CNTN5: variants seen among roughly 807,000 people sequenced by gnomAD.
CNTN5 encodes the protein contactin 5, also known as contactin-5.
In CNTN5, 77 loss-of-function variants were observed where a neutral mutation model predicts 129.1. The ratio of observed to expected loss-of-function variants is 0.60; its 90% CI spans 0.50 to 0.72. The LOEUF is 0.72. Ranked by LOEUF, CNTN5 falls within the 30% of genes least tolerant of loss-of-function variation. The pLI is 0.00. For missense variants in CNTN5, 1,478 were observed against 1,328.8 expected (o/e 1.11, Z -1.75); for synonymous variants, 509 against 465.6 (o/e 1.09, Z -1.20).
chr11:99,479,170 T>C (rs1285567295), intron 2 of CNTN5, among the ~76,000 whole-genome samples: 1 of 152,106 alleles, frequency 6.6e-6, no homozygotes, highest in East Asian at 1.9e-4. Context: ...CATTAATTCT[T>C]ATTTTTAAGA....
At chr11:99,523,760 C>T (rs984933747) in intron 2 of CNTN5, among the ~76,000 whole-genome samples, 2 of 152,072 alleles carry the variant, frequency 1.3e-5, no homozygotes, top group African/African-American at 4.8e-5. Flanking sequence ...TCGGTTCCCA[C>T]ACTCCCCAGC....
At position 99,985,015 on chromosome 11, in the gene CNTN5, G is replaced by A. The variant is rs530967557; in HGVS notation, c.878-17019G>A. 1.8e-4 allele frequency among the ~76,000 whole-genome samples: 27 copies of A among 152,272 alleles called. No homozygotes were observed. In the East Asian group the frequency reaches 5.2e-3, roughly 30 times the overall value. ...ATTTACTATCCTGCGGCAGTGCCCA[G>A]GTGAGGGTGCCTGCAACGGTGAAGC... On this transcript the variant is annotated intron_variant, in intron 8 of 24. Coordinates refer to ENST00000524871, the MANE Select transcript of CNTN5 (RefSeq NM_014361.4).
At chr11:100,087,695 C>T (rs1033296611) in intron 13 of CNTN5, among the ~76,000 whole-genome samples, 1 of 151,924 alleles carries the variant, frequency 6.6e-6, no homozygotes, top group African/African-American at 2.4e-5. Flanking sequence ...AACTCAACAT[C>T]CTACTTAGAG....
chr11:99,973,475 A>T (rs752452202), intron 8 of CNTN5, among the ~76,000 whole-genome samples: 2 of 152,004 alleles, frequency 1.3e-5, no homozygotes, highest in Non-Finnish European at 2.9e-5. Flanking sequence ...CTATTTTCCT[A>T]TGGTTTTCAG....
intron 2 of CNTN5, among the ~76,000 whole-genome samples, chr11:99,516,511 A>G (rs940576581): frequency 1.3e-5 from 2 of 152,132 alleles, no homozygotes; most frequent in Non-Finnish European, 2.9e-5. Flanking sequence ...AAAAATAACA[A>G]TGGTGCATAC....
chr11:99,650,431 T>A (rs186749860), intron 3 of CNTN5, among the ~76,000 whole-genome samples: 7 of 152,016 alleles, frequency 4.6e-5, no homozygotes, highest in Admixed American at 3.9e-4. Context: ...ATTATACTAA[T>A]CATCTCTGCT....
intron 3 of CNTN5, among the ~76,000 whole-genome samples, chr11:99,807,421 TGAA>T (rs1176007984): frequency 1.3e-5 from 2 of 152,192 alleles, no homozygotes; most frequent in African/African-American, 4.8e-5. Context: ...GGGATAGGGT[TGAA>T]GAAGTTTTAA....
chr11:100,023,707 C>A lies in CNTN5; in HGVS notation c.980+21571C>A, dbSNP rs140527364. Among the ~76,000 whole-genome samples, 339 of 152,314 alleles carry A rather than the reference C, an allele frequency of 2.2e-3. 1 individual carries two copies. The highest frequency in any genetic ancestry group is 7.9e-3 in the African/African-American group (328 of 41,588). On this transcript the variant is annotated intron_variant, in intron 9 of 24. Coordinates refer to ENST00000524871, the MANE Select transcript of CNTN5 (RefSeq NM_014361.4). ...CCTCTGGCAACCACTGATTTTTACA[C>A]TGTCTCCAGTTTTACCTCTTCCAGA...
At chr11:100,298,528 A>G (rs1306453141) in intron 19 of CNTN5, among the ~76,000 whole-genome samples, 1 of 151,298 alleles carries the variant, frequency 6.6e-6, no homozygotes, top group East Asian at 1.9e-4. Context: ...TTTATTGAGT[A>G]TCTAGTGTGT....
chr11:100,340,508 G>A lies in CNTN5; in HGVS notation c.2776G>A (p.Val926Ile), dbSNP rs932108870. The change falls in exon 22 of 25, where the codon GTC becomes ATC. Residue 926 changes from valine to isoleucine, a missense_variant. Val to Ile is a conservative substitution (Grantham distance 29, BLOSUM62 3). Transcript: ENST00000524871. ...DMEQEDTAET[V>I]KTRGNESFVI... is the part of the protein sequence containing the mutation. The stretch of plus-strand genomic sequence containing the variant: ...GGAACAGGAAGATACAGCAGAAACA[G>A]TCAAAACTAGAGGGAATGAGTCTTT... 6.2e-7 allele frequency: 1 copy of A among 1,613,086 alleles called. No homozygotes were observed.
chr11:99,949,886 A>T (rs1054650581), intron 7 of CNTN5, among the ~76,000 whole-genome samples: 31 of 152,282 alleles, frequency 2.0e-4, no homozygotes, highest in African/African-American at 7.5e-4. Context: ...TATTATACAT[A>T]TTATTTTATT....
At chr11:99,118,405 C>A (rs1002261242) in intron 1 of CNTN5, among the ~76,000 whole-genome samples, 3 of 151,938 alleles carry the variant, frequency 2.0e-5, no homozygotes, top group African/African-American at 7.3e-5. Flanking sequence ...ATGTTGCTGA[C>A]TTTAATACTG....
At chr11:99,394,759 T>C (rs1394219988) in intron 2 of CNTN5, among the ~76,000 whole-genome samples, 1 of 151,780 alleles carries the variant, frequency 6.6e-6, no homozygotes, top group African/African-American at 2.4e-5. Flanking sequence ...TGTATTCTCA[T>C]TATTTAGTCC....
rs12222533 is a variant in CNTN5 at position 99,655,513 on chromosome 11, A to C, written c.55+99244A>C. Among the ~76,000 whole-genome samples, 453 of 152,198 alleles carry C rather than the reference A, an allele frequency of 3.0e-3. 9 individuals carry two copies. The East Asian group carries it at 0.058, about 20-fold the overall frequency. On this transcript the variant is annotated intron_variant, in intron 3 of 24. Transcript: ENST00000524871. ...TTCAGGCTAGTTGTCTGTCCCCTCA[A>C]GGTCCTAGGTCCATAGTCTTTTCAT...
intron 6 of CNTN5, among the ~76,000 whole-genome samples, chr11:99,857,868 C>T (rs993100269): frequency 1.1e-4 from 16 of 152,024 alleles, no homozygotes; most frequent in Admixed American, 2.6e-4. Flanking sequence ...GTTTCCTATC[C>T]GTTTCATAGT....
intron 7 of CNTN5, among the ~76,000 whole-genome samples, chr11:99,944,476 C>T (rs568921076): frequency 6.6e-6 from 1 of 152,172 alleles, no homozygotes; most frequent in Admixed American, 6.6e-5. Flanking sequence ...CCTCTTTCAC[C>T]ACTTCTATTC....
At chr11:99,511,414 G>T (rs1946831169) in intron 2 of CNTN5, among the ~76,000 whole-genome samples, 1 of 151,996 alleles carries the variant, frequency 6.6e-6, no homozygotes, top group African/African-American at 2.4e-5. Flanking sequence ...GAGACAGTTT[G>T]TTATAATTTC....
intron 17 of CNTN5, among the ~76,000 whole-genome samples, chr11:100,270,352 G>A (rs1950387279): frequency 6.6e-6 from 1 of 152,144 alleles, no homozygotes; most frequent in Non-Finnish European, 1.5e-5. Flanking sequence ...AGAAATCCAA[G>A]AATGATATAA....
chr11:100,020,108 T>A (rs776768358), intron 9 of CNTN5, among the ~76,000 whole-genome samples: 3 of 150,752 alleles, frequency 2.0e-5, no homozygotes, highest in Non-Finnish European at 3.0e-5. Flanking sequence ...CTGTTGATTG[T>A]TTGTTTTATC....
Sources: gnomAD v4.1 joint callset for allele counts (sites outside exome capture counted in the v4.1 genomes callset) on GRCh38, gnomAD v4.1.1 for gene constraint, MANE v1.5 for transcripts, NCBI Gene and HGNC (gene_info 2026-07-23, HGNC 2026-07-21) for gene names.